OSBPL10: variants seen among roughly 807,000 people sequenced by gnomAD.
OSBPL10 encodes the protein oxysterol binding protein like 10.
OSBPL10 carries 49 observed loss-of-function variants against 81.7 expected under a neutral mutation model. The observed-to-expected ratio is 0.60, with a 90% CI of 0.48 to 0.76. The LOEUF (loss-of-function observed/expected upper bound fraction) is 0.76. OSBPL10 is among the 30% of genes least tolerant of loss of function. The pLI, the probability that OSBPL10 is intolerant of heterozygous loss-of-function variation, is 0.00. For missense variants in OSBPL10, 923 were observed against 987.8 expected (o/e 0.93, Z 0.88); for synonymous variants, 419 against 383.6 (o/e 1.09, Z -1.08).
At chr3:31,857,276 T>G (rs1014650624) in intron 3 of OSBPL10, among the ~76,000 whole-genome samples, 4 of 152,166 alleles carry the variant, frequency 2.6e-5, no homozygotes, top group African/African-American at 9.7e-5. Context: ...AGGGGAGAGA[T>G]GTAGCAGCTC....
intron 1 of OSBPL10, among the ~76,000 whole-genome samples, chr3:31,902,027 C>G (rs1028706756): frequency 3.2e-4 from 49 of 151,950 alleles, no homozygotes; most frequent in Non-Finnish European, 1.8e-4. Context: ...GGCTCTGTCT[C>G]CAAAAAACAA....
chr3:32,010,703 G>A (rs2125539042), intron 2 of OSBPL10, among the ~76,000 whole-genome samples: 1 of 152,232 alleles, frequency 6.6e-6, no homozygotes, highest in African/African-American at 2.4e-5. Context: ...CAAGGAACAG[G>A]GTGACAGATG....
Position 31,955,203 on chromosome 3 carries a change from T to C in OSBPL10, c.281+25696A>G, listed in dbSNP as rs373659826. 7.2e-5 allele frequency among the ~76,000 whole-genome samples: 11 copies of C among 152,310 alleles called. No homozygotes were observed. In the East Asian group the frequency reaches 1.7e-3, roughly 24 times the overall value. On this transcript the variant is annotated intron_variant, in intron 1 of 11. Transcript: ENST00000396556. ...ATGACAAAATTGAAGATAACAGTAA[T>C]ACAGTAATAATTTGTTGAACCACTA...
At chr3:31,849,762 G>A (rs1559491174) in intron 3 of OSBPL10, among the ~76,000 whole-genome samples, 3 of 152,166 alleles carry the variant, frequency 2.0e-5, no homozygotes, top group Admixed American at 2.0e-4. Context: ...ACTGGGCTGG[G>A]TATGGTGGCT....
At chr3:31,785,635 C>CA (rs199998564) in intron 4 of OSBPL10, among the ~76,000 whole-genome samples, 2,835 of 151,772 alleles carry the variant, frequency 0.019, 71 homozygotes, top group African/African-American at 0.062. Flanking sequence ...CTCTCTGAGC[C>CA]GTTTTTTTTT....
At chr3:31,697,848 C>T (rs1048193155) in intron 7 of OSBPL10, among the ~76,000 whole-genome samples, 22 of 152,114 alleles carry the variant, frequency 1.4e-4, no homozygotes, top group Admixed American at 5.2e-4. Flanking sequence ...CTGCAACCTC[C>T]GCCTCCCGAG....
intron 4 of OSBPL10, among the ~76,000 whole-genome samples, chr3:31,814,928 T>C (rs1427018951): frequency 2.0e-5 from 3 of 152,192 alleles, no homozygotes; most frequent in Non-Finnish European, 4.4e-5. Context: ...GATATGCCCT[T>C]CTCGTGGATC....
intron 6 of OSBPL10, among the ~76,000 whole-genome samples, chr3:31,729,815 C>G (rs971325811): frequency 1.3e-5 from 2 of 152,296 alleles, no homozygotes; most frequent in Admixed American, 6.5e-5. Context: ...GATTCCCGCA[C>G]CCAGGTAGGT....
At position 31,883,711 on chromosome 3, in the gene OSBPL10, C is replaced by A. The variant is rs572828939; in HGVS notation, c.282-3881G>T. ...TATGCCCAGCTAATTTTTGCATTTTCAGTAGAGACAGGGTTTCGCCATGTT... is the reference window on the plus strand; with the variant it reads ...TATGCCCAGCTAATTTTTGCATTTTAAGTAGAGACAGGGTTTCGCCATGTT... On this transcript the variant is annotated intron_variant, in intron 1 of 11. Transcript: ENST00000396556. 1.9e-4 allele frequency among the ~76,000 whole-genome samples: 29 copies of A among 151,846 alleles called. No homozygotes were observed. The South Asian group carries it at 5.2e-3, about 27-fold the overall frequency.
At chr3:31,697,747 G>A (rs1328770097) in intron 7 of OSBPL10, among the ~76,000 whole-genome samples, 1 of 151,768 alleles carries the variant, frequency 6.6e-6, no homozygotes, top group African/African-American at 2.4e-5. Context: ...CCTCACCTAG[G>A]TTATTACAGT....
chr3:31,957,727 G>A (rs768466404), intron 1 of OSBPL10, among the ~76,000 whole-genome samples: 3 of 152,076 alleles, frequency 2.0e-5, no homozygotes, highest in Non-Finnish European at 2.9e-5. Flanking sequence ...TGCAACCTCC[G>A]TCTCCGGGGT....
At chr3:31,700,074 C>T (rs1695846943) in intron 7 of OSBPL10, among the ~76,000 whole-genome samples, 2 of 152,186 alleles carry the variant, frequency 1.3e-5, no homozygotes, top group Admixed American at 6.5e-5. Context: ...ACAGTTCTAC[C>T]TCTTTCCCTC....
intron 1 of OSBPL10, among the ~76,000 whole-genome samples, chr3:31,961,627 G>T (rs530799763): frequency 1.3e-5 from 2 of 152,156 alleles, no homozygotes; most frequent in East Asian, 3.9e-4. Context: ...TAGAGACAGG[G>T]TCTCACTCTA....
chr3:31,862,575 A>G (rs972929361), intron 3 of OSBPL10, among the ~76,000 whole-genome samples: 1 of 152,220 alleles, frequency 6.6e-6, no homozygotes, highest in Admixed American at 6.5e-5. Flanking sequence ...GACTATATAA[A>G]TAACTCATAT....
chr3:31,950,543 C>A (rs948450997), intron 1 of OSBPL10, among the ~76,000 whole-genome samples: 2 of 152,218 alleles, frequency 1.3e-5, no homozygotes, highest in African/African-American at 4.8e-5. Flanking sequence ...TAGAAAACAA[C>A]TTAACATCAT....
intron 3 of OSBPL10, among the ~76,000 whole-genome samples, chr3:31,856,613 C>A (rs968662169): frequency 6.6e-6 from 1 of 152,206 alleles, no homozygotes; most frequent in Admixed American, 6.5e-5. Context: ...GCTTTTCAAC[C>A]TGGAGCACTT....
chr3:32,022,325 C>T (rs759576047), intron 2 of OSBPL10, among the ~76,000 whole-genome samples: 3 of 152,176 alleles, frequency 2.0e-5, no homozygotes, highest in Non-Finnish European at 2.9e-5. Flanking sequence ...GCAGCTCATA[C>T]TTAAGACCCA....
intron 3 of OSBPL10, among the ~76,000 whole-genome samples, chr3:31,868,689 T>C (rs1311347897): frequency 6.6e-6 from 1 of 152,212 alleles, no homozygotes; most frequent in African/African-American, 2.4e-5. Flanking sequence ...TCCATCAAGT[T>C]TGACCCTTAA....
intron 4 of OSBPL10, among the ~76,000 whole-genome samples, chr3:31,802,041 T>C (rs1010826056): frequency 2.6e-4 from 39 of 151,542 alleles, no homozygotes; most frequent in Non-Finnish European, 4.4e-4. Flanking sequence ...CAGGCTGGTC[T>C]CGAACTCCCG....
Sources: gnomAD v4.1 joint callset for allele counts (sites outside exome capture counted in the v4.1 genomes callset) on GRCh38, gnomAD v4.1.1 for gene constraint, MANE v1.5 for transcripts, NCBI Gene and HGNC (gene_info 2026-07-23, HGNC 2026-07-21) for gene names.